Variants in METTL8 observed in about 807,000 individuals in gnomAD.
METTL8 encodes the protein tRNA N(3)-cytidine methyltransferase METTL8, mitochondrial.
METTL8 carries 32 observed loss-of-function variants against 48.7 expected under a neutral mutation model. That is an observed-to-expected ratio of 0.66 (90% CI 0.50 to 0.88). The LOEUF is 0.88. Among genes scored for constraint, METTL8 ranks in the 40% least tolerant of loss-of-function variants. The pLI is 0.00. For synonymous variants in METTL8, 136 were observed against 157.1 expected (o/e 0.87, Z 1.01); for missense variants, 464 against 474.4 (o/e 0.98, Z 0.20).
chr2:171,434,739 G>A (rs1487993832), upstream of METTL8: 12 of 1,395,294 alleles, frequency 8.6e-6, no homozygotes, highest in Non-Finnish European at 1.1e-5. Context: ...ACGGAGGGCC[G>A]CGGGCGCGCG....
chr2:171,418,617 A>C (rs991511302), intron 1 of METTL8, among the ~76,000 whole-genome samples: 2 of 151,992 alleles, frequency 1.3e-5, no homozygotes, highest in Non-Finnish European at 2.9e-5. Context: ...ACTAACAGTT[A>C]TTTTGCTGCT....
chr2:171,433,380 G>C (rs898472360), intron 1 of METTL8, among the ~76,000 whole-genome samples: 2 of 152,218 alleles, frequency 1.3e-5, no homozygotes, highest in East Asian at 1.9e-4. Context: ...TGCTCTGCCA[G>C]TCAGGTGCGA....
At chr2:171,410,660 T>C (rs1380130543) in intron 1 of METTL8, among the ~76,000 whole-genome samples, 1 of 152,260 alleles carries the variant, frequency 6.6e-6, no homozygotes, top group African/African-American at 2.4e-5. Context: ...TAGCAAGCTA[T>C]TGTTCTTTTT....
rs763021449 is a variant in METTL8 at position 171,356,952 on chromosome 2, A to ATTTTTTTTTTTTTTTTT, written c.235+3453_235+3469dup. Among the ~76,000 whole-genome samples the ATTTTTTTTTTTTTTTTT allele has an allele frequency of 2.0e-3, 153 of 78,358 alleles. 49 individuals carry two copies. The highest frequency in any genetic ancestry group is 2.4e-3 in the Non-Finnish European group (98 of 41,320). 51.4% of individuals were successfully genotyped at this position (78,358 alleles called of 152,430 possible). A position where few individuals can be genotyped will look rare whatever the true frequency, so the allele number is the denominator to read the frequency against. On this transcript the variant is annotated intron_variant, in intron 3 of 9. Transcript: ENST00000375258. ...CAAATTAGCCTTGTTCAAAGACAAT[A>ATTTTTTTTTTTTTTTTT]TTTTTTTTTTTTTTTTTGAGACAGG...
chr2:171,403,808 AG>A (rs369255169), intron 1 of METTL8, among the ~76,000 whole-genome samples: 2 of 151,640 alleles, frequency 1.3e-5, no homozygotes, highest in East Asian at 3.9e-4. Flanking sequence ...TGGGGTGGGG[AG>A]GTGGTTATAA....
intron 1 of METTL8, among the ~76,000 whole-genome samples, chr2:171,400,541 A>G (rs549809418): frequency 8.3e-4 from 127 of 152,300 alleles, no homozygotes; most frequent in Non-Finnish European, 1.5e-3. Context: ...CAGATTTAGG[A>G]AAGCACAGTC....
intron 7 of METTL8, among the ~76,000 whole-genome samples, chr2:171,328,157 T>A (rs533458041): frequency 6.6e-6 from 1 of 152,218 alleles, no homozygotes; most frequent in South Asian, 2.1e-4. Flanking sequence ...ATGAAGCCCC[T>A]TTTCTTTCTT....
intron 2 of METTL8, among the ~76,000 whole-genome samples, chr2:171,390,333 C>T (rs1007596206): frequency 3.3e-5 from 5 of 152,238 alleles, no homozygotes; most frequent in African/African-American, 4.8e-5. Flanking sequence ...CCAACTAACA[C>T]AATATCCATT....
intron 1 of METTL8, among the ~76,000 whole-genome samples, chr2:171,406,748 C>T (rs1690221349): frequency 6.6e-6 from 1 of 152,112 alleles, no homozygotes; most frequent in African/African-American, 2.4e-5. Context: ...CATGAGTGGG[C>T]CTAACGTTAG....
chr2:171,345,358 TAA>T (rs1295473298), intron 3 of METTL8, among the ~76,000 whole-genome samples: 4 of 152,236 alleles, frequency 2.6e-5, no homozygotes, highest in Admixed American at 6.5e-5. Flanking sequence ...AAATTTATTC[TAA>T]GTTTCCATGT....
rs755779498 is a variant in METTL8, at chr2:171,360,404, C to A, written c.235+18G>T. 3 of 1,606,878 alleles carry A rather than the reference C, an allele frequency of 1.9e-6. No homozygotes were observed. The highest frequency in any genetic ancestry group is 2.6e-6 in the Non-Finnish European group (3 of 1,174,492). ...ACTAAAGCTCTGGCTCTAGGAGCTA[C>A]AGCACGCAGTTGACTACCTTGCTCT... On this transcript the variant is annotated intron_variant, in intron 3 of 9. Transcript: ENST00000375258.
intron 3 of METTL8, among the ~76,000 whole-genome samples, chr2:171,354,189 A>G (rs1684267202): frequency 6.6e-6 from 1 of 152,126 alleles, no homozygotes; most frequent in Non-Finnish European, 1.5e-5. Context: ...GCTTGTCTGT[A>G]AAGGATTTTA....
chr2:171,372,951 C>T (rs909093028), intron 2 of METTL8, among the ~76,000 whole-genome samples: 4 of 152,172 alleles, frequency 2.6e-5, no homozygotes, highest in Admixed American at 2.0e-4. Flanking sequence ...CATACGTGTG[C>T]ATGTGTCTTT....
intron 2 of METTL8, among the ~76,000 whole-genome samples, chr2:171,381,780 CTTTTTTTT>C: frequency 8.0e-6 from 1 of 125,664 alleles, no homozygotes; most frequent in Non-Finnish European, 1.7e-5. Flanking sequence ...ATTAGGAACA[CTTTTTTTT>C]TTTTTTTTTT....
chr2:171,349,604 T>C (rs1317631135), intron 3 of METTL8, among the ~76,000 whole-genome samples: 2 of 152,232 alleles, frequency 1.3e-5, no homozygotes, highest in Non-Finnish European at 2.9e-5. Context: ...TTGCCTATTG[T>C]GAATAGTGCT....
chr2:171,434,581 G>A (rs1693664593), upstream of METTL8: 9 of 1,527,188 alleles, frequency 5.9e-6, no homozygotes, highest in Admixed American at 2.0e-5. Context: ...CGCCTCCATG[G>A]GCCCGACCCG....
At chr2:171,361,910 G>C (rs1685205450) in intron 2 of METTL8, among the ~76,000 whole-genome samples, 2 of 152,204 alleles carry the variant, frequency 1.3e-5, no homozygotes, top group African/African-American at 4.8e-5. Context: ...TGATGAAGGG[G>C]AGTGCAGTCA....
chr2:171,324,132 G>C lies in METTL8; in HGVS notation c.*40C>G. The C allele has an allele frequency of 7.2e-7, 1 of 1,390,274 alleles. No homozygotes were observed. The highest frequency in any genetic ancestry group is 9.9e-7 in the Non-Finnish European group (1 of 1,013,546). 86.1% of individuals were successfully genotyped at this position (1,390,274 alleles called of 1,614,324 possible). On this transcript the variant is annotated 3_prime_UTR_variant, in exon 10 of 10. Transcript: ENST00000375258. ...ATAGACTTACAGTAGTCCTTGAATA[G>C]CACAGTCCTCTGGCTTTGTACCTTA...
chr2:171,419,858 TA>T (rs1045117092), intron 1 of METTL8, among the ~76,000 whole-genome samples: 2 of 151,966 alleles, frequency 1.3e-5, no homozygotes, highest in East Asian at 1.9e-4. Flanking sequence ...TCCACCACCC[TA>T]AAAAAATCCC....
Sources: gnomAD v4.1 joint callset for allele counts (sites outside exome capture counted in the v4.1 genomes callset) on GRCh38, gnomAD v4.1.1 for gene constraint, MANE v1.5 for transcripts, NCBI Gene and HGNC (gene_info 2026-07-23, HGNC 2026-07-21) for gene names.